DCC: variants seen among roughly 807,000 people sequenced by gnomAD.
DCC encodes DCC netrin 1 receptor.
DCC carries 58 observed loss-of-function variants against 172.5 expected under a neutral mutation model. The observed-to-expected ratio is 0.34, with a 90% CI of 0.27 to 0.42. The LOEUF is 0.42. Among genes scored for constraint, DCC ranks in the 10% least tolerant of loss-of-function variants. The pLI, the probability that DCC is intolerant of heterozygous loss-of-function variation, is 1.00. For synonymous variants in DCC, 709 were observed against 644.5 expected (o/e 1.10, Z -1.52); for missense variants, 1,740 against 1,791.0 (o/e 0.97, Z 0.51).
intron 1 of DCC, among the ~76,000 whole-genome samples, chr18:52,510,815 C>T (rs192600006): frequency 6.6e-6 from 1 of 152,192 alleles, no homozygotes; most frequent in African/African-American, 2.4e-5. Flanking sequence ...CGGTGTCCCA[C>T]AGAGATAATC....
Position 53,376,606 on chromosome 18 carries a change from G to C in DCC, c.2360-9437G>C, listed in dbSNP as rs77633053. Among the ~76,000 whole-genome samples, 7 of 152,176 alleles carry C rather than the reference G, an allele frequency of 4.6e-5. 1 individual carries two copies. Among genetic ancestry groups the C allele is most frequent in the African/African-American group, 1.4e-4 (6 of 41,512 alleles). ...GTAACAATAGGGAAGCAATTATTTG[G>C]AAGAGTGTCTGGAGTACACGTGCTG... On this transcript the variant is annotated intron_variant, in intron 15 of 28. Transcript: ENST00000442544.
At chr18:52,786,444 T>C (rs2037662084) in intron 2 of DCC, among the ~76,000 whole-genome samples, 1 of 151,856 alleles carries the variant, frequency 6.6e-6, no homozygotes, top group Non-Finnish European at 1.5e-5. Flanking sequence ...CTTTTATCTC[T>C]CCAGTCCTCA....
intron 1 of DCC, among the ~76,000 whole-genome samples, chr18:52,497,544 C>T (rs1568198914): frequency 6.6e-6 from 1 of 151,860 alleles, no homozygotes; most frequent in East Asian, 1.9e-4. Flanking sequence ...CAATTGCCAA[C>T]ACCTAAACTG....
intron 1 of DCC, among the ~76,000 whole-genome samples, chr18:52,741,638 C>G (rs1205385102): frequency 6.6e-6 from 1 of 152,154 alleles, no homozygotes; most frequent in East Asian, 1.9e-4. Flanking sequence ...TATTGAAACT[C>G]TTCTGTAAAT....
intron 15 of DCC, among the ~76,000 whole-genome samples, chr18:53,369,272 G>C (rs1299723283): frequency 6.6e-6 from 1 of 151,618 alleles, no homozygotes; most frequent in African/African-American, 2.4e-5. Flanking sequence ...GATTTTTTGT[G>C]TTATTTTGCT....
At chr18:53,386,450 C>T (rs1437501225) in intron 16 of DCC, among the ~76,000 whole-genome samples, 1 of 152,114 alleles carries the variant, frequency 6.6e-6, no homozygotes, top group East Asian at 1.9e-4. Flanking sequence ...TTTTGGTGCC[C>T]TGATACCATG....
intron 5 of DCC, among the ~76,000 whole-genome samples, chr18:52,989,470 C>G (rs370243810): frequency 3.9e-4 from 60 of 152,196 alleles, no homozygotes; most frequent in African/African-American, 1.4e-3. Context: ...TTGCAGTGAA[C>G]CGAGATCACA....
chr18:53,424,606 A>G (rs1599133253), intron 21 of DCC, among the ~76,000 whole-genome samples: 1 of 151,616 alleles, frequency 6.6e-6, no homozygotes, highest in Non-Finnish European at 1.5e-5. Flanking sequence ...CTTTAAATAT[A>G]TGAGTAGAAC....
intron 26 of DCC, among the ~76,000 whole-genome samples, chr18:53,487,613 A>C (rs908947373): frequency 4.0e-5 from 6 of 149,376 alleles, no homozygotes; most frequent in Non-Finnish European, 8.9e-5. Context: ...TCAGCAGCTC[A>C]TGTGAGATAG....
intron 2 of DCC, among the ~76,000 whole-genome samples, chr18:52,755,241 G>T (rs1283235871): frequency 6.6e-6 from 1 of 152,204 alleles, no homozygotes; most frequent in Non-Finnish European, 1.5e-5. Context: ...CTGATATTTT[G>T]ATGCCTTATT....
chr18:53,150,973 G>A (rs1030794853), intron 7 of DCC, among the ~76,000 whole-genome samples: 5 of 152,194 alleles, frequency 3.3e-5, no homozygotes, highest in Non-Finnish European at 5.9e-5. Context: ...AGTAATGTTG[G>A]AGGTGGCAGC....
rs79694908 is a variant in DCC at position 52,765,693 on chromosome 18, G to A, written c.412+13319G>A. Among the ~76,000 whole-genome samples the A allele has an allele frequency of 8.9e-3, 1,362 of 152,224 alleles. 18 individuals carry two copies. Among genetic ancestry groups the A allele is most frequent in the African/African-American group, 0.032 (1,314 of 41,538 alleles). On this transcript the variant is annotated intron_variant, in intron 2 of 28. Transcript: ENST00000442544. ...AAGATCTCATAAAGACACAGACCAT[G>A]TTACATTTGTCTTAGCTTCCCTAGG...
intron 12 of DCC, among the ~76,000 whole-genome samples, chr18:53,302,759 T>C (rs2057155904): frequency 6.6e-6 from 1 of 152,204 alleles, no homozygotes; most frequent in Non-Finnish European, 1.5e-5. Context: ...AATCCTAGAT[T>C]AGAATTGTAT....
chr18:52,659,569 C>G (rs1331971222), intron 1 of DCC, among the ~76,000 whole-genome samples: 1 of 152,082 alleles, frequency 6.6e-6, no homozygotes, highest in Non-Finnish European at 1.5e-5. Context: ...TAGTCAGGAA[C>G]CAAATGAACC....
intron 2 of DCC, among the ~76,000 whole-genome samples, chr18:52,752,998 C>CATATAT (rs201753969): frequency 8.1e-4 from 119 of 147,724 alleles, no homozygotes; most frequent in African/African-American, 3.2e-3. Context: ...TACACACACA[C>CATATAT]ACATATATAT....
intron 5 of DCC, among the ~76,000 whole-genome samples, chr18:53,015,414 C>G (rs1380149120): frequency 6.6e-6 from 1 of 152,112 alleles, no homozygotes; most frequent in African/African-American, 2.4e-5. Context: ...TAGATTTCCT[C>G]TAGCTCAAGT....
Position 53,467,943 on chromosome 18 carries a change from G to A in DCC, c.3669G>A (p.Ser1223=), listed in dbSNP as rs200234919. 257 of 1,612,808 alleles carry A rather than the reference G, an allele frequency of 1.6e-4. No homozygotes were observed. Among genetic ancestry groups the A allele is most frequent in the Admixed American group, 7.7e-4 (46 of 60,002 alleles). ...GCTCTATGTCCACTCTGGAGAGGTC[G>A]CTGGCTGCACGCCGAGCCCCCCGGG... ...AGSSMSTLER[S]LAARRAPRAK... The change falls in exon 25 of 29, where the codon TCG becomes TCA. Residue 1223 remains serine (S), a synonymous_variant. Transcript: ENST00000442544.
intron 1 of DCC, among the ~76,000 whole-genome samples, chr18:52,628,697 C>T (rs2034618272): frequency 6.6e-6 from 1 of 152,182 alleles, no homozygotes; most frequent in African/African-American, 2.4e-5. Context: ...AAGGAAGTGT[C>T]CTGGCAGTTT....
intron 1 of DCC, among the ~76,000 whole-genome samples, chr18:52,716,659 G>A (rs891152948): frequency 8.5e-5 from 13 of 152,208 alleles, no homozygotes; most frequent in Admixed American, 2.6e-4. Flanking sequence ...GAAGAGGGAT[G>A]AAGATAGGAT....
Sources: allele counts gnomAD v4.1 joint callset (sites outside exome capture counted in the v4.1 genomes callset), GRCh38; gene constraint gnomAD v4.1.1; transcripts MANE v1.5; gene names NCBI Gene and HGNC (gene_info 2026-07-23, HGNC 2026-07-21).